Variants in OSMR observed in about 807,000 individuals in gnomAD.
OSMR encodes the protein oncostatin M receptor.
A neutral mutation model predicts 99.9 loss-of-function variants in OSMR; 81 were observed. That is an observed-to-expected ratio of 0.81 (90% CI 0.68 to 0.97). The LOEUF (loss-of-function observed/expected upper bound fraction) is 0.97. Among genes scored for constraint, OSMR ranks in the 50% least tolerant of loss-of-function variants. The pLI, the probability that OSMR is intolerant of heterozygous loss-of-function variation, is 0.00. For synonymous variants in OSMR, 406 were observed against 410.4 expected (o/e 0.99, Z 0.13); for missense variants, 1,099 against 1,153.4 (o/e 0.95, Z 0.68).
chr5:38,880,261 C>T (rs1298583470), intron 3 of OSMR, among the ~76,000 whole-genome samples: 1 of 152,126 alleles, frequency 6.6e-6, no homozygotes, highest in Non-Finnish European at 1.5e-5. Flanking sequence ...GTGACTTGTC[C>T]CATCCCCTTC....
At chr5:38,921,397 G>A in intron 11 of OSMR, 1 of 742,326 alleles carries the variant, frequency 1.3e-6, no homozygotes, top group South Asian at 6.1e-5. Flanking sequence ...AGGTCAACAT[G>A]ATGGGCATCT....
intron 9 of OSMR, among the ~76,000 whole-genome samples, chr5:38,912,074 A>G (rs1271310522): frequency 6.6e-6 from 1 of 152,084 alleles, no homozygotes; most frequent in African/African-American, 2.4e-5. Flanking sequence ...GCAATCAGAC[A>G]AGAGAAAGAA....
At position 38,904,455 on chromosome 5, in the gene OSMR, T is replaced by C; in HGVS notation, c.1237T>C (p.Trp413Arg). The change falls in exon 9 of 18, where the codon TGG (tryptophan) becomes CGG (arginine). Residue 413 changes from tryptophan to arginine, a missense_variant. Coordinates refer to ENST00000274276, the MANE Select transcript of OSMR (RefSeq NM_003999.3). The part of the protein sequence containing the change: ...RVRCADASHF[W>R]KWSEWSGQNF... ...ACGGTGTGCTGATGCCAGCCACTTC[T>C]GGAAATGGAGTGAATGGAGTGGTCA... The C allele has an allele frequency of 6.2e-7, 1 of 1,614,224 alleles. No homozygotes were observed. The highest frequency in any genetic ancestry group is 8.5e-7 in the Non-Finnish European group (1 of 1,180,048).
intron 1 of OSMR, among the ~76,000 whole-genome samples, chr5:38,858,266 CT>C (rs1307072475): frequency 2.0e-5 from 3 of 151,974 alleles, no homozygotes; most frequent in African/African-American, 7.3e-5. Context: ...CTTCCTAACC[CT>C]TTTCAGCCTC....
At chr5:38,847,348 G>A (rs984782768) in intron 1 of OSMR, among the ~76,000 whole-genome samples, 4 of 152,078 alleles carry the variant, frequency 2.6e-5, no homozygotes, top group Non-Finnish European at 4.4e-5. Context: ...CGGGTGAGGC[G>A]GGTACTAGTT....
downstream of OSMR, chr5:38,945,279 C>T: frequency 1.6e-6 from 1 of 608,322 alleles, no homozygotes; most frequent in Non-Finnish European, 2.9e-6. Flanking sequence ...TGGAAAAGAC[C>T]TAATCCAGGG....
chr5:38,869,849 A>G (rs2112245329), intron 2 of OSMR, among the ~76,000 whole-genome samples: 1 of 152,222 alleles, frequency 6.6e-6, no homozygotes, highest in South Asian at 2.1e-4. Flanking sequence ...GTATTTTACA[A>G]AGCTTTACAT....
rs752836288 is a variant in OSMR, at chr5:38,931,915, G to A, written c.2245G>A (p.Val749Ile). 1.2e-6 allele frequency: 2 copies of A among 1,613,702 alleles called. No homozygotes were observed. Among genetic ancestry groups the A allele is most frequent in the Admixed American group, 3.3e-5 (2 of 60,020 alleles). ...SMLIHILLPM[V>I]FCVLLIMVMC... is the part of the protein sequence containing the mutation. Reference sequence around the variant, plus strand: ...GCTGATTCATATCCTACTGCCCATGGTTTTCTGCGTCTTGCTCATCATGGT... The same window carrying A: ...GCTGATTCATATCCTACTGCCCATGATTTTCTGCGTCTTGCTCATCATGGT... Residue 749 changes from valine to isoleucine, a missense_variant, in exon 16 of 18, where the codon GTT (valine) becomes ATT (isoleucine). Physicochemically the swap from Val to Ile is conservative, Grantham distance 29 (BLOSUM62 3). Transcript: ENST00000274276.
At chr5:38,917,232 T>TTTA (rs1745956672) in intron 9 of OSMR, among the ~76,000 whole-genome samples, 1 of 152,094 alleles carries the variant, frequency 6.6e-6, no homozygotes, top group Admixed American at 6.5e-5. Context: ...AAAGGGGAAA[T>TTTA]TTACCTAACT....
intron 1 of OSMR, chr5:38,943,242 C>A (rs1579852704): frequency 1.2e-5 from 4 of 327,394 alleles, no homozygotes; most frequent in Non-Finnish European, 1.7e-5. Context: ...TGAGAAATTG[C>A]AAAATATATT....
At chr5:38,881,847 T>G in intron 4 of OSMR, 83 bp downstream of exon 4, 1 of 1,223,978 alleles carries the variant, frequency 8.2e-7, no homozygotes, top group Non-Finnish European at 1.2e-6. Flanking sequence ...GGAAATCTCC[T>G]TTGAGGAACC....
chr5:38,876,101 TC>T, intron 2 of OSMR, 99 bp from the exon 3 acceptor site: 1 of 1,526,206 alleles, frequency 6.6e-7, no homozygotes, highest in Non-Finnish European at 8.9e-7. Flanking sequence ...AGCAATATTT[TC>T]CAGAGCTAAA....
chr5:38,861,490 C>A (rs534719832), intron 1 of OSMR, among the ~76,000 whole-genome samples: 4 of 152,334 alleles, frequency 2.6e-5, no homozygotes, highest in Non-Finnish European at 5.9e-5. Context: ...TAGTACAGAA[C>A]AAAATGAAAA....
chr5:38,876,442 T>C (rs1435024831), intron 3 of OSMR, 69 bp downstream of exon 3: 1 of 1,311,464 alleles, frequency 7.6e-7, no homozygotes. Flanking sequence ...TTTTCTTTTA[T>C]AACATCTGAA....
intron 1 of OSMR, among the ~76,000 whole-genome samples, 169 bp downstream of exon 1, chr5:38,846,556 A>G (rs1739834833): frequency 6.6e-6 from 1 of 152,158 alleles, no homozygotes; most frequent in Admixed American, 6.5e-5. Flanking sequence ...CTCCCAACAC[A>G]TCGTGTGGAG....
chr5:38,847,559 C>A (rs777359246), intron 1 of OSMR, among the ~76,000 whole-genome samples: 33 of 152,140 alleles, frequency 2.2e-4, no homozygotes, highest in Non-Finnish European at 3.2e-4. Context: ...CTTTAAAATG[C>A]ACTCAGAGCC....
chr5:38,944,572 G>A (rs1747960586), intron 2 of OSMR: 1 of 1,583,250 alleles, frequency 6.3e-7, no homozygotes, highest in Non-Finnish European at 8.6e-7. Context: ...TTTAACACCT[G>A]AAAAGATTTC....
chr5:38,899,541 G>C (rs1561381809), intron 7 of OSMR, among the ~76,000 whole-genome samples: 3 of 152,166 alleles, frequency 2.0e-5, no homozygotes, highest in African/African-American at 7.2e-5. Flanking sequence ...ACGTCTCAGA[G>C]TCTCACCCAA....
intron 7 of OSMR, among the ~76,000 whole-genome samples, chr5:38,898,950 CTTTT>C (rs58159819): frequency 2.6e-5 from 2 of 78,286 alleles, no homozygotes; most frequent in East Asian, 3.4e-4. Flanking sequence ...TACATAATAT[CTTTT>C]TTTTTTTTTT....
Sources: allele counts gnomAD v4.1 joint callset (sites outside exome capture counted in the v4.1 genomes callset), GRCh38; gene constraint gnomAD v4.1.1; transcripts MANE v1.5; gene names NCBI Gene and HGNC (gene_info 2026-07-23, HGNC 2026-07-21).